Variants in DCT observed in about 807,000 individuals in gnomAD.
The protein encoded by DCT is L-dopachrome tautomerase.
A neutral mutation model predicts 53.0 loss-of-function variants in DCT; 47 were observed. The ratio of observed to expected loss-of-function variants is 0.89; its 90% CI spans 0.70 to 1.13. The LOEUF (loss-of-function observed/expected upper bound fraction) is 1.13, where lower values mean the gene tolerates loss of function less well. DCT is among the 50% of genes most tolerant of loss of function. DCT has a pLI of 0.00. For missense variants in DCT, 669 were observed against 637.4 expected, an observed-to-expected ratio of 1.05 and a Z score of -0.53; for synonymous variants, 244 against 237.0, an observed-to-expected ratio of 1.03 and a Z score of -0.27.
In DCT at chr13:94,469,106, T is replaced by C. The variant is rs1566848057; in HGVS notation, c.296-61A>G. On this transcript the variant is annotated intron_variant, in intron 1 of 7. Coordinates refer to ENST00000377028, the MANE Select transcript of DCT (RefSeq NM_001922.5). ...GTTTATGTCGTTTGGAAGAAATTTC[T>C]GAATTTGTACTCTGAAATTTGAATG... The C allele has an allele frequency of 5.7e-6, 8 of 1,405,112 alleles. No homozygotes were observed. In the South Asian group the frequency reaches 8.4e-5, roughly 15 times the overall value. 87.0% of individuals were successfully genotyped at this position (1,405,112 alleles called of 1,614,324 possible).
At chr13:94,493,649 A>G in the DCT span, among the ~76,000 whole-genome samples, 1 of 152,232 alleles carries the variant, frequency 6.6e-6, no homozygotes, top group Non-Finnish European at 1.5e-5. Context: ...TGAAAGGGCT[A>G]CATACGATAT....
chr13:94,503,313 G>A, the DCT span, among the ~76,000 whole-genome samples: 37 of 151,790 alleles, frequency 2.4e-4, no homozygotes, highest in East Asian at 1.4e-3. Flanking sequence ...CTGGGAGGTC[G>A]AGGCTGCAGT....
chr13:94,469,095 G>T, intron 1 of DCT, 50 bp from the exon 2 acceptor site: 1 of 1,490,696 alleles, frequency 6.7e-7, no homozygotes, highest in Non-Finnish European at 9.3e-7. Flanking sequence ...ATGTCGTTTG[G>T]AAGAAATTTC....
the DCT span, among the ~76,000 whole-genome samples, chr13:94,547,013 C>T: frequency 6.6e-6 from 1 of 152,052 alleles, no homozygotes; most frequent in Non-Finnish European, 1.5e-5. Flanking sequence ...CCCAGAAATG[C>T]CAGTGTATAA....
chr13:94,530,684 T>C, the DCT span, among the ~76,000 whole-genome samples: 2 of 149,964 alleles, frequency 1.3e-5, no homozygotes, highest in African/African-American at 4.8e-5. Flanking sequence ...GCCAATATCA[T>C]CCTGAATGGG....
the DCT span, among the ~76,000 whole-genome samples, chr13:94,545,852 A>G: frequency 6.6e-6 from 1 of 151,892 alleles, no homozygotes; most frequent in East Asian, 1.9e-4. Context: ...AGCCTTCTCA[A>G]CCAACAGGTG....
the DCT span, among the ~76,000 whole-genome samples, chr13:94,548,032 A>G: frequency 3.4e-5 from 5 of 146,998 alleles, no homozygotes; most frequent in Admixed American, 6.7e-5. Flanking sequence ...CCACTGCTCC[A>G]TAGAGCCTTT....
the DCT span, among the ~76,000 whole-genome samples, chr13:94,546,061 A>G: frequency 2.0e-5 from 3 of 152,128 alleles, no homozygotes; most frequent in South Asian, 6.3e-4. This position sits in a 1 kb window ranked among gnomAD's most constrained non-coding sequence, Gnocchi z 4.2. Flanking sequence ...GGCTTCTGGC[A>G]CTTTCTTAGA....
the DCT span, among the ~76,000 whole-genome samples, chr13:94,505,481 G>A: frequency 2.0e-5 from 3 of 152,190 alleles, no homozygotes; most frequent in Non-Finnish European, 2.9e-5. Context: ...AAGTCCGTTT[G>A]TAGAAGCTAC....
intron 5 of DCT, 103 bp downstream of exon 5, chr13:94,461,907 C>T (rs941573455): frequency 1.0e-5 from 10 of 981,028 alleles, no homozygotes; most frequent in East Asian, 7.6e-5. Flanking sequence ...CACTTAGCTT[C>T]GTAGACAACC....
chr13:94,444,375 T>C (rs759990333), intron 6 of DCT: 1 of 516,868 alleles, frequency 1.9e-6, no homozygotes, highest in Non-Finnish European at 3.9e-6. Flanking sequence ...GGAATACTCT[T>C]CTGTCTACTC....
chr13:94,507,888 C>T, the DCT span, among the ~76,000 whole-genome samples: 1 of 152,182 alleles, frequency 6.6e-6, no homozygotes, highest in Non-Finnish European at 1.5e-5. Flanking sequence ...CAAGAGTCTA[C>T]ATGTTTTAGT....
At chr13:94,474,334 A>G (rs1884941458) in intron 1 of DCT, among the ~76,000 whole-genome samples, 1 of 152,226 alleles carries the variant, frequency 6.6e-6, no homozygotes, top group Non-Finnish European at 1.5e-5. Context: ...AAGCCATTAG[A>G]CTAAATAAGC....
At chr13:94,490,094 G>A in the DCT span, among the ~76,000 whole-genome samples, 2 of 152,218 alleles carry the variant, frequency 1.3e-5, no homozygotes, top group Admixed American at 1.3e-4. Context: ...CTAATTTCAA[G>A]AGCTGACAAA....
At chr13:94,442,021 T>G (rs916831611) in intron 7 of DCT, among the ~76,000 whole-genome samples, 1 of 152,172 alleles carries the variant, frequency 6.6e-6, no homozygotes, top group Non-Finnish European at 1.5e-5. Flanking sequence ...TTTTCTATTT[T>G]TTTTTGATAG....
In DCT at chr13:94,465,791, A is replaced by G. The variant is rs765362254; in HGVS notation, c.705T>C (p.Ile235=). Residue 235 remains isoleucine, a synonymous_variant, in exon 4 of 8, where the codon ATT becomes ATC. Coordinates refer to ENST00000377028, the MANE Select transcript of DCT (RefSeq NM_001922.5). Reference sequence around the variant, plus strand: ...AGGGCAAAGCAAAAGACTCATTGCCAATGAGTCGCTAAAAGCAAAGGGCAG... The same window carrying G: ...AGGGCAAAGCAAAAGACTCATTGCCGATGAGTCGCTAAAAGCAAAGGGCAG... The part of the protein sequence containing the change: ...LCLERDLQRL[I]GNESFALPYW... 7 of 1,610,702 alleles carry G rather than the reference A, an allele frequency of 4.3e-6. No individual in the cohort carries two copies. In the South Asian group the frequency reaches 7.7e-5, roughly 18 times the overall value.
intron 6 of DCT, among the ~76,000 whole-genome samples, chr13:94,459,161 G>A (rs1281665600): frequency 6.6e-6 from 1 of 152,156 alleles, no homozygotes; most frequent in Non-Finnish European, 1.5e-5. Context: ...TTACAGTCAT[G>A]AGCCACCATG....
At chr13:94,542,941 T>G in the DCT span, among the ~76,000 whole-genome samples, 12 of 152,222 alleles carry the variant, frequency 7.9e-5, no homozygotes, top group Admixed American at 2.0e-4. Flanking sequence ...TTTGTCACAG[T>G]AGCTTATTTA....
the DCT span, among the ~76,000 whole-genome samples, chr13:94,515,317 C>A: frequency 6.6e-6 from 1 of 152,170 alleles, no homozygotes; most frequent in South Asian, 2.1e-4. Context: ...TGCAATAACC[C>A]AAGTACTAAA....
Sources: allele counts gnomAD v4.1 joint callset (sites outside exome capture counted in the v4.1 genomes callset), GRCh38; gene constraint gnomAD v4.1.1; non-coding constraint Gnocchi (gnomAD v3.1); transcripts MANE v1.5; gene names NCBI Gene and HGNC (gene_info 2026-07-23, HGNC 2026-07-21).